The following AFF3 variants were observed in gnomAD, a reference collection of about 807,000 sequenced individuals.
The protein encoded by AFF3 is ALF transcription elongation factor 3.
AFF3 carries 32 observed loss-of-function variants against 129.7 expected under a neutral mutation model. That is an observed-to-expected ratio of 0.25 (90% confidence interval 0.19 to 0.33). The LOEUF is 0.33. AFF3 is among the 10% of genes least tolerant of loss of function. The pLI is 1.00. For synonymous variants in AFF3, 644 were observed against 635.4 expected, an observed-to-expected ratio of 1.01 and a Z score of -0.20; for missense variants, 1,373 against 1,592.0, an observed-to-expected ratio of 0.86 and a Z score of 2.34.
At position 99,753,324 on chromosome 2, in the gene AFF3, T is replaced by A. The variant is rs187418504; in HGVS notation, c.922-1023A>T. Among the ~76,000 whole-genome samples, 576 of 152,218 alleles carry A rather than the reference T, an allele frequency of 3.8e-3. 4 individuals are homozygous for A. Among genetic ancestry groups the A allele is most frequent in the African/African-American group, 0.013 (536 of 41,538 alleles). On this transcript the variant is annotated intron_variant, in intron 8 of 24. Transcript: ENST00000672756. ...CATGTTGGCCAGGCTGGTCTCAAAC[T>A]CCTGACCTCGGGTGACCCGCCCACC...
intron 7 of AFF3, among the ~76,000 whole-genome samples, chr2:99,948,378 G>A (rs1344077941): frequency 1.3e-5 from 2 of 152,146 alleles, no homozygotes; most frequent in African/African-American, 4.8e-5. Context: ...TGCTCATAGT[G>A]CCTCGGGTTC....
intron 7 of AFF3, among the ~76,000 whole-genome samples, chr2:99,939,380 G>C (rs933679011): frequency 6.6e-6 from 1 of 151,608 alleles, no homozygotes; most frequent in Non-Finnish European, 1.5e-5. Context: ...TGACACCATG[G>C]GGCAAAGGTT....
At chr2:99,623,603 C>A (rs943560996) in intron 13 of AFF3, among the ~76,000 whole-genome samples, 4 of 152,198 alleles carry the variant, frequency 2.6e-5, no homozygotes, top group Admixed American at 2.6e-4. Flanking sequence ...GAAGACAATC[C>A]CCATGGGGAC....
chr2:99,839,883 T>C (rs1187214380), intron 7 of AFF3, among the ~76,000 whole-genome samples: 4 of 152,218 alleles, frequency 2.6e-5, no homozygotes, highest in African/African-American at 9.6e-5. Context: ...GTGCTGGGAT[T>C]ACAGGCGTGA....
chr2:99,622,555 T>C (rs1196947456), intron 13 of AFF3, among the ~76,000 whole-genome samples: 1 of 152,252 alleles, frequency 6.6e-6, no homozygotes. Flanking sequence ...ATGGTGCCAA[T>C]AAGTCTGAGT....
At chr2:99,804,980 C>T (rs761742210) in intron 8 of AFF3, among the ~76,000 whole-genome samples, 2 of 152,172 alleles carry the variant, frequency 1.3e-5, no homozygotes, top group Middle Eastern at 6.8e-3. Flanking sequence ...ACATTGGGTA[C>T]AATATACACT....
chr2:99,929,491 C>A (rs1696517238), intron 7 of AFF3, among the ~76,000 whole-genome samples: 1 of 152,086 alleles, frequency 6.6e-6, no homozygotes, highest in African/African-American at 2.4e-5. Context: ...TGCTTATCTT[C>A]TTCATTTTAA....
chr2:99,775,868 A>G (rs1471795587), intron 8 of AFF3, among the ~76,000 whole-genome samples: 5 of 152,192 alleles, frequency 3.3e-5, no homozygotes, highest in Admixed American at 1.3e-4. Flanking sequence ...AATACCCCGA[A>G]ACATGAATAC....
rs550297711 is a variant in AFF3, at chr2:99,556,089, A to G, written c.3286-1357T>C. On this transcript the variant is annotated intron_variant, in intron 22 of 24. Coordinates refer to ENST00000672756, the MANE Select transcript of AFF3 (RefSeq NM_001386135.1). ...TCTATAGAATGCATGTTCTGGATAT[A>G]AGAACACTAATGGCAGAAGGGGAGA... Among the ~76,000 whole-genome samples, 14 of 152,282 alleles carry G rather than the reference A, an allele frequency of 9.2e-5. No homozygotes were observed. The South Asian group carries it at 2.9e-3, about 32-fold the overall frequency.
chr2:100,036,954 C>G (rs183649146), intron 4 of AFF3, among the ~76,000 whole-genome samples: 103 of 152,204 alleles, frequency 6.8e-4, no homozygotes, highest in South Asian at 6.0e-3. Flanking sequence ...CTGTGCAGAG[C>G]GGCAGGAGGT....
chr2:99,923,175 TC>T (rs1695973266), intron 7 of AFF3, among the ~76,000 whole-genome samples: 1 of 152,128 alleles, frequency 6.6e-6, no homozygotes, highest in African/African-American at 2.4e-5. Context: ...CCATCTCCAT[TC>T]TAGATAAGAT....
intron 7 of AFF3, among the ~76,000 whole-genome samples, chr2:99,885,318 C>T (rs1693029310): frequency 1.3e-5 from 2 of 152,154 alleles, no homozygotes; most frequent in Non-Finnish European, 2.9e-5. Context: ...ACCCAATGAC[C>T]ACACTGTCTT....
chr2:99,828,949 T>C (rs201318716), intron 8 of AFF3, among the ~76,000 whole-genome samples: 1 of 152,184 alleles, frequency 6.6e-6, no homozygotes, highest in East Asian at 1.9e-4. Context: ...TATTTTGGTG[T>C]CTCTACACTA....
At chr2:99,839,876 C>T (rs1835162) in intron 7 of AFF3, among the ~76,000 whole-genome samples, 3 of 152,190 alleles carry the variant, frequency 2.0e-5, no homozygotes, top group Non-Finnish European at 4.4e-5. Context: ...TCCCAAAGTG[C>T]TGGGATTACA....
chr2:99,847,333 G>T (rs766497957), intron 7 of AFF3, among the ~76,000 whole-genome samples: 1 of 151,628 alleles, frequency 6.6e-6, no homozygotes, highest in African/African-American at 2.4e-5. Context: ...CTGCCACCAC[G>T]CCCAGATAAT....
At chr2:99,876,260 TTA>T (rs1320042106) in intron 7 of AFF3, among the ~76,000 whole-genome samples, 1 of 152,198 alleles carries the variant, frequency 6.6e-6, no homozygotes, top group Non-Finnish European at 1.5e-5. Context: ...CCAGGTACCT[TTA>T]TCCAACCGCC....
At chr2:99,707,073 A>C in intron 11 of AFF3, 3 of 982,924 alleles carry the variant, frequency 3.1e-6, no homozygotes, top group Non-Finnish European at 2.4e-6. Flanking sequence ...GAAATACCGA[A>C]GATATAATAG....
At chr2:99,587,547 C>T (rs1678248894) in intron 15 of AFF3, among the ~76,000 whole-genome samples, 1 of 152,210 alleles carries the variant, frequency 6.6e-6, no homozygotes, top group Non-Finnish European at 1.5e-5. Context: ...GAAAGCTGCT[C>T]TGCCATCAAC....
At chr2:100,106,091 AG>A in intron 2 of AFF3, 1 of 1,289,010 alleles carries the variant, frequency 7.8e-7, no homozygotes, top group Non-Finnish European at 1.0e-6. Context: ...GAAGACCAAA[AG>A]GCCAATGAGA....
Sources: allele counts gnomAD v4.1 joint callset (sites outside exome capture counted in the v4.1 genomes callset), GRCh38; gene constraint gnomAD v4.1.1; transcripts MANE v1.5; gene names NCBI Gene and HGNC (gene_info 2026-07-23, HGNC 2026-07-21).